CAMTA1: variants seen among roughly 807,000 people sequenced by gnomAD.
CAMTA1 encodes the protein calmodulin-binding transcription activator 1.
In CAMTA1, 27 loss-of-function variants were observed where a neutral mutation model predicts 170.9. That is an observed-to-expected ratio of 0.16 (90% CI 0.12 to 0.22). The LOEUF is 0.22. Ranked by LOEUF, CAMTA1 falls within the 10% of genes least tolerant of loss-of-function variation. The probability of loss-of-function intolerance (pLI) is 1.00; values close to 1 mark genes in which losing one functional copy is unlikely to be tolerated. For missense variants in CAMTA1, 1,619 were observed against 2,217.2 expected (o/e 0.73, Z 5.42); for synonymous variants, 833 against 891.5 (o/e 0.93, Z 1.17).
At chr1:7,152,778 A>C (rs1646652492) in intron 4 of CAMTA1, among the ~76,000 whole-genome samples, 1 of 152,174 alleles carries the variant, frequency 6.6e-6, no homozygotes, top group Non-Finnish European at 1.5e-5. Context: ...TCATGTGGCC[A>C]TGTCGTGTTT....
At chr1:7,679,892 T>C (rs1393470474) in intron 11 of CAMTA1, among the ~76,000 whole-genome samples, 3 of 152,234 alleles carry the variant, frequency 2.0e-5, no homozygotes, top group East Asian at 3.9e-4. Context: ...TCTGGGCCAG[T>C]TGTCCTTTCA....
Position 7,222,281 on chromosome 1 carries a change from A to C in CAMTA1, c.303-27210A>C, listed in dbSNP as rs535595196. Among the ~76,000 whole-genome samples, 6 of 152,186 alleles carry C rather than the reference A, an allele frequency of 3.9e-5. No homozygotes were observed. In the East Asian group the frequency reaches 1.2e-3, roughly 29 times the overall value. On this transcript the variant is annotated intron_variant, in intron 4 of 22. Transcript: ENST00000303635. ...TTTCTGTGCTCGTCTGGGTGATGAG[A>C]CATCGCCCGGGCTGGTTCCATGAGC... is the stretch of plus-strand genomic sequence containing the variant.
intron 5 of CAMTA1, among the ~76,000 whole-genome samples, chr1:7,376,744 C>T (rs2086870366): frequency 6.6e-6 from 1 of 152,174 alleles, no homozygotes. Flanking sequence ...CTCTGTCCGA[C>T]GTCTTCCCCT....
chr1:7,209,572 C>T (rs549017084), intron 4 of CAMTA1, among the ~76,000 whole-genome samples: 1 of 152,180 alleles, frequency 6.6e-6, no homozygotes, highest in Non-Finnish European at 1.5e-5. Flanking sequence ...CAGCAACAAT[C>T]TGTTGGAATT....
At chr1:7,364,276 C>A (rs549839385) in intron 5 of CAMTA1, among the ~76,000 whole-genome samples, 2 of 152,284 alleles carry the variant, frequency 1.3e-5, no homozygotes, top group South Asian at 4.2e-4. Flanking sequence ...ATACTTTAGA[C>A]TGGGTAACTA....
chr1:7,421,719 TG>T (rs1355540596), intron 5 of CAMTA1, among the ~76,000 whole-genome samples: 1 of 152,124 alleles, frequency 6.6e-6, no homozygotes, highest in African/African-American at 2.4e-5. Flanking sequence ...GCCACCTCAT[TG>T]GTGGTACCAG....
chr1:7,568,529 TCAG>T (rs1405829201), intron 6 of CAMTA1, among the ~76,000 whole-genome samples: 4 of 137,808 alleles, frequency 2.9e-5, no homozygotes, highest in African/African-American at 1.2e-4. Flanking sequence ...ACAACCATCA[TCAG>T]CATCACCATC....
intron 6 of CAMTA1, among the ~76,000 whole-genome samples, chr1:7,487,887 G>A (rs971253876): frequency 3.3e-5 from 5 of 152,114 alleles, no homozygotes; most frequent in African/African-American, 1.2e-4. Context: ...GGTTGCTCAC[G>A]TCACAGCTCT....
chr1:6,920,587 C>G (rs139780216), intron 3 of CAMTA1, among the ~76,000 whole-genome samples: 1 of 152,372 alleles, frequency 6.6e-6, no homozygotes, highest in East Asian at 1.9e-4. Context: ...CCCTTCCACA[C>G]TGCCCTAGCA....
chr1:7,439,326 GTTC>G, intron 5 of CAMTA1, among the ~76,000 whole-genome samples: 1 of 152,302 alleles, frequency 6.6e-6, no homozygotes, highest in East Asian at 1.9e-4. Flanking sequence ...CGACTCTGAT[GTTC>G]TTCGTTGTCT....
chr1:7,688,915 TGA>T (rs1337228137), intron 11 of CAMTA1, among the ~76,000 whole-genome samples: 1 of 152,048 alleles, frequency 6.6e-6, no homozygotes, highest in African/African-American at 2.4e-5. Context: ...GGAAAAACAG[TGA>T]GAGGCAGGTA....
At chr1:6,876,406 G>A (rs1669899426) in intron 3 of CAMTA1, among the ~76,000 whole-genome samples, 1 of 150,948 alleles carries the variant, frequency 6.6e-6, no homozygotes, top group South Asian at 2.1e-4. Flanking sequence ...TTGTCGCCCA[G>A]GCTGGAGTGC....
intron 4 of CAMTA1, among the ~76,000 whole-genome samples, chr1:7,198,492 A>T (rs571830878): frequency 1.3e-5 from 2 of 152,036 alleles, no homozygotes; most frequent in African/African-American, 4.8e-5. Context: ...AGGTGTCAGG[A>T]ATGTGTCCCT....
At chr1:7,747,805 G>C (rs1484508905) in intron 19 of CAMTA1, 24 bp downstream of exon 19, 12 of 1,572,396 alleles carry the variant, frequency 7.6e-6, no homozygotes, top group Non-Finnish European at 9.6e-6. Context: ...TTGCACCACA[G>C]AAGGAAACTG....
intron 11 of CAMTA1, among the ~76,000 whole-genome samples, chr1:7,717,627 G>A (rs1175871638): frequency 6.6e-6 from 1 of 151,916 alleles, no homozygotes; most frequent in African/African-American, 2.4e-5. Flanking sequence ...CATGCCTGTG[G>A]TCCCAGCTAC....
intron 5 of CAMTA1, among the ~76,000 whole-genome samples, chr1:7,410,921 GTGTA>G (rs779822110): frequency 7.7e-6 from 1 of 129,252 alleles, no homozygotes; most frequent in South Asian, 2.4e-4. Context: ...GTGTGTGTGT[GTGTA>G]TGTCTGTGTG....
At chr1:7,240,622 A>C (rs1206107836) in intron 4 of CAMTA1, among the ~76,000 whole-genome samples, 1 of 151,502 alleles carries the variant, frequency 6.6e-6, no homozygotes, top group Non-Finnish European at 1.5e-5. Context: ...CCTGGGCTCA[A>C]GTGATTCTCT....
intron 3 of CAMTA1, among the ~76,000 whole-genome samples, chr1:6,832,188 A>G (rs575811688): frequency 8.6e-5 from 13 of 151,972 alleles, no homozygotes; most frequent in African/African-American, 1.9e-4. Context: ...GGCTGAAGCA[A>G]TCCTCCCATG....
At chr1:7,621,969 T>C (rs1381312605) in intron 6 of CAMTA1, among the ~76,000 whole-genome samples, 1 of 152,210 alleles carries the variant, frequency 6.6e-6, no homozygotes, top group East Asian at 1.9e-4. Context: ...CGTGTGACCT[T>C]GCAATCCCGT....
Sources: gnomAD v4.1 joint callset for allele counts (sites outside exome capture counted in the v4.1 genomes callset) on GRCh38, gnomAD v4.1.1 for gene constraint, MANE v1.5 for transcripts, NCBI Gene and HGNC (gene_info 2026-07-23, HGNC 2026-07-21) for gene names.